NLGN1: variants seen among roughly 807,000 people sequenced by gnomAD.
NLGN1 encodes neuroligin-1.
Under a neutral mutation model 65.5 loss-of-function variants are expected in NLGN1, and 12 were observed. The ratio of observed to expected loss-of-function variants is 0.18; its 90% CI spans 0.12 to 0.30. The LOEUF is 0.30. Ranked by LOEUF, NLGN1 falls within the 10% of genes least tolerant of loss-of-function variation. NLGN1 has a pLI of 1.00. For missense variants in NLGN1, 750 were observed against 1,007.1 expected (o/e 0.74, Z 3.46); for synonymous variants, 350 against 359.5 (o/e 0.97, Z 0.30).
chr3:173,645,240 A>G (rs1758058516), intron 3 of NLGN1, among the ~76,000 whole-genome samples: 1 of 152,210 alleles, frequency 6.6e-6, no homozygotes, highest in African/African-American at 2.4e-5. Flanking sequence ...CTTGGCAGTA[A>G]TGTTGATGTA....
chr3:173,435,917 T>C (rs1032421259), intron 2 of NLGN1, among the ~76,000 whole-genome samples: 2 of 152,170 alleles, frequency 1.3e-5, no homozygotes, highest in East Asian at 3.8e-4. Flanking sequence ...TCATTTTTAA[T>C]GAGAGAAGAA....
chr3:173,539,802 A>G (rs1738451434), intron 2 of NLGN1, among the ~76,000 whole-genome samples: 1 of 139,988 alleles, frequency 7.1e-6, no homozygotes, highest in Non-Finnish European at 1.5e-5. Context: ...ATATACATAT[A>G]TATACATATA....
At chr3:173,928,498 T>G (rs1470308421) in intron 4 of NLGN1, among the ~76,000 whole-genome samples, 1 of 152,174 alleles carries the variant, frequency 6.6e-6, no homozygotes, top group African/African-American at 2.4e-5. Context: ...CTATGTCACA[T>G]AGTGCATGAC....
chr3:173,960,681 C>T (rs1713329888), intron 4 of NLGN1, among the ~76,000 whole-genome samples: 1 of 151,558 alleles, frequency 6.6e-6, no homozygotes, highest in African/African-American at 2.4e-5. Context: ...AAATATGTTT[C>T]CTATATCTAT....
At chr3:173,736,511 G>T (rs1333954341) in intron 3 of NLGN1, among the ~76,000 whole-genome samples, 1 of 152,054 alleles carries the variant, frequency 6.6e-6, no homozygotes, top group East Asian at 1.9e-4. Context: ...CCAGAACATA[G>T]TTGTAAGATG....
chr3:173,467,317 C>T (rs564171788), intron 2 of NLGN1, among the ~76,000 whole-genome samples: 1 of 152,030 alleles, frequency 6.6e-6, no homozygotes, highest in African/African-American at 2.4e-5. Flanking sequence ...ATTTACATTG[C>T]TTCCATTTTT....
intron 3 of NLGN1, among the ~76,000 whole-genome samples, chr3:173,662,078 A>C (rs547390741): frequency 6.6e-6 from 1 of 152,010 alleles, no homozygotes; most frequent in Non-Finnish European, 1.5e-5. Flanking sequence ...TGTATGGCTT[A>C]TAATTCTCTT....
chr3:173,693,450 A>G (rs1765758831), intron 3 of NLGN1, among the ~76,000 whole-genome samples: 1 of 152,088 alleles, frequency 6.6e-6, no homozygotes, highest in African/African-American at 2.4e-5. Flanking sequence ...CTTTACCAAT[A>G]CCTTCAAACA....
At chr3:173,803,054 T>C (rs571841027) in intron 3 of NLGN1, among the ~76,000 whole-genome samples, 11 of 152,122 alleles carry the variant, frequency 7.2e-5, no homozygotes, top group African/African-American at 2.4e-4. Context: ...TTGGCCAGGC[T>C]GGTCTCGAAC....
At chr3:173,842,071 A>G (rs941293249) in intron 4 of NLGN1, among the ~76,000 whole-genome samples, 21 of 152,320 alleles carry the variant, frequency 1.4e-4, no homozygotes, top group African/African-American at 5.1e-4. Context: ...CATAGCAGAA[A>G]GCAAGGAGGA....
At chr3:174,256,180 C>A (rs1475746427) in intron 4 of NLGN1, among the ~76,000 whole-genome samples, 1 of 151,924 alleles carries the variant, frequency 6.6e-6, no homozygotes, top group Non-Finnish European at 1.5e-5. Context: ...ATATTTATTC[C>A]ATGGAAATTA....
intron 3 of NLGN1, among the ~76,000 whole-genome samples, chr3:173,684,507 C>T (rs1157411524): frequency 1.3e-5 from 2 of 152,090 alleles, no homozygotes; most frequent in African/African-American, 4.8e-5. Context: ...TACTTATAGG[C>T]CATTAGCTTT....
At chr3:173,459,725 T>C (rs1465971996) in intron 2 of NLGN1, among the ~76,000 whole-genome samples, 1 of 152,146 alleles carries the variant, frequency 6.6e-6, no homozygotes, top group South Asian at 2.1e-4. Flanking sequence ...TTTTATGCTA[T>C]AATGATAAGC....
intron 2 of NLGN1, among the ~76,000 whole-genome samples, chr3:173,592,035 C>T (rs1327047815): frequency 6.6e-6 from 1 of 152,088 alleles, no homozygotes; most frequent in East Asian, 1.9e-4. Flanking sequence ...AAAATGTATC[C>T]TGTGGTATTT....
chr3:174,119,010 G>A (rs1472868240), intron 4 of NLGN1, among the ~76,000 whole-genome samples: 1 of 151,864 alleles, frequency 6.6e-6, no homozygotes, highest in Non-Finnish European at 1.5e-5. Context: ...CTAAGGCAGA[G>A]GACATAGAAA....
chr3:173,415,943 A>AGAGAGAGAGAGAGAGAGCGAGAGC (rs141095727), intron 1 of NLGN1, among the ~76,000 whole-genome samples: 7 of 142,876 alleles, frequency 4.9e-5, no homozygotes, highest in African/African-American at 1.7e-4. Context: ...AGAGAGAGAG[A>AGAGAGAGAGAGAGAGAGCGAGAGC]GCTTGGTATA....
intron 1 of NLGN1, among the ~76,000 whole-genome samples, chr3:173,415,250 C>T (rs1289863370): frequency 6.6e-6 from 1 of 152,146 alleles, no homozygotes; most frequent in Non-Finnish European, 1.5e-5. Context: ...CCTCCTTTGT[C>T]AAGTGCAAAA....
chr3:173,694,778 AT>A (rs1046924878), intron 3 of NLGN1, among the ~76,000 whole-genome samples: 2 of 152,162 alleles, frequency 1.3e-5, no homozygotes, highest in Non-Finnish European at 2.9e-5. Flanking sequence ...CACATGTGCA[AT>A]TTTGTGTTGC....
intron 4 of NLGN1, among the ~76,000 whole-genome samples, chr3:174,105,708 T>TACATATAG (rs1285524887): frequency 2.0e-5 from 3 of 151,998 alleles, no homozygotes; most frequent in Non-Finnish European, 4.4e-5. Flanking sequence ...TATCTATATC[T>TACATATAG]ATATCTAGAT....
Sources: allele counts gnomAD v4.1 joint callset (sites outside exome capture counted in the v4.1 genomes callset), GRCh38; gene constraint gnomAD v4.1.1; transcripts MANE v1.5; gene names NCBI Gene and HGNC (gene_info 2026-07-23, HGNC 2026-07-21).